The following ZFP62 variants were observed in gnomAD, a reference collection of about 807,000 sequenced individuals.
The protein encoded by ZFP62 is ZFP62 zinc finger protein, also known as zinc finger protein 62 homolog.
ZFP62 carries 44 observed loss-of-function variants against 56.4 expected under a neutral mutation model. The ratio of observed to expected loss-of-function variants is 0.78; its 90% CI spans 0.61 to 1.00. The LOEUF is 1.00. Ranked by LOEUF, ZFP62 falls within the 50% of genes least tolerant of loss-of-function variation. The pLI is 0.00. For synonymous variants in ZFP62, 421 were observed against 388.9 expected (o/e 1.08, Z -0.97); for missense variants, 1,030 against 1,085.7 (o/e 0.95, Z 0.72).
rs1183802740 is a variant in ZFP62 at position 180,849,928 on chromosome 5, G to A, written c.1567C>T (p.His523Tyr). The change falls in exon 2 of 2, where the codon CAT becomes TAT. Residue 523 changes from histidine to tyrosine, a missense_variant. Physicochemically the swap from His to Tyr is moderately conservative, Grantham distance 83. Transcript: ENST00000502412. ...SFNYSSALEQ[H>Y]KRIHTREKPF... ...TTTTCCCTGGTATGAATCCTTTTATGCTGTTCAAGGGCAGAGCTGTAGTTG... is the reference window on the plus strand; with the variant it reads ...TTTTCCCTGGTATGAATCCTTTTATACTGTTCAAGGGCAGAGCTGTAGTTG... The A allele has an allele frequency of 6.4e-7, 1 of 1,551,632 alleles. No individual in the cohort carries two copies. Among genetic ancestry groups the A allele is most frequent in the Non-Finnish European group, 8.7e-7 (1 of 1,146,996 alleles).
At chr5:180,829,259 G>A in the ZFP62 span, among the ~76,000 whole-genome samples, 7 of 147,242 alleles carry the variant, frequency 4.8e-5, no homozygotes, top group African/African-American at 1.6e-4. Flanking sequence ...CCTTTGTCCT[G>A]TTTCCTCAGA....
At chr5:180,833,832 G>A in the ZFP62 span, among the ~76,000 whole-genome samples, 14 of 152,096 alleles carry the variant, frequency 9.2e-5, no homozygotes, top group African/African-American at 3.4e-4. Flanking sequence ...CACCACACCT[G>A]GCTAAGTTTT....
the ZFP62 span, among the ~76,000 whole-genome samples, chr5:180,828,656 A>C: frequency 1.3e-5 from 2 of 152,184 alleles, no homozygotes; most frequent in Non-Finnish European, 2.9e-5. Flanking sequence ...TAACTGTACA[A>C]ATTGATTATA....
At chr5:180,846,450 T>C (rs569902689), downstream of ZFP62, among the ~76,000 whole-genome samples, 19 of 152,206 alleles carry the variant, frequency 1.2e-4, no homozygotes, top group Non-Finnish European at 2.6e-4. Flanking sequence ...TGGTCTCATC[T>C]TCAGCAAAAA....
At chr5:180,839,167 G>T in the ZFP62 span, among the ~76,000 whole-genome samples, 1 of 152,150 alleles carries the variant, frequency 6.6e-6, no homozygotes, top group Non-Finnish European at 1.5e-5. Flanking sequence ...ATACAGTCAG[G>T]TTCCTTTTGT....
the ZFP62 span, among the ~76,000 whole-genome samples, chr5:180,836,174 G>A: frequency 2.7e-4 from 41 of 152,286 alleles, 2 homozygotes; most frequent in South Asian, 7.0e-3. Context: ...TTCACACAAC[G>A]GCCTAACGAT....
At position 180,851,426 on chromosome 5, in the gene ZFP62, T is replaced by G. The variant is rs945516605; in HGVS notation, c.69A>C (p.Ala23=). The G allele has an allele frequency of 8.4e-6, 13 of 1,551,438 alleles. No individual in the cohort carries two copies. The highest frequency in any genetic ancestry group is 1.0e-5 in the Non-Finnish European group (12 of 1,146,960). The change falls in exon 2 of 2, where the codon GCA becomes GCC. Residue 23 remains alanine (A), a synonymous_variant. Transcript: ENST00000502412. ...PTEEYENVGN[A]ASKWPKVEDP... ...CCTCCACTTTTGGCCACTTAGATGCTGCATTTCCAACATTTTCATATTCTT... is the reference window on the plus strand; with the variant it reads ...CCTCCACTTTTGGCCACTTAGATGCGGCATTTCCAACATTTTCATATTCTT...
chr5:180,850,915 C>T lies in ZFP62; in HGVS notation c.580G>A (p.Glu194Lys). 2 of 1,564,076 alleles carry T rather than the reference C, an allele frequency of 1.3e-6. No homozygotes were observed. Among genetic ancestry groups the T allele is most frequent in the South Asian group, 1.2e-5 (1 of 84,988 alleles). Residue 194 changes from glutamate (E) to lysine (K), a missense_variant, in exon 2 of 2, where the codon GAG becomes AAG. Transcript: ENST00000502412. The stretch of plus-strand genomic sequence containing the variant: ...CATTCCTCACACTTGTACGGCTTCT[C>T]CCCAGTGTGGATCCGTTTGTGGACC... Reference protein sequence around the residue: ...LRVHKRIHTGEKPYKCEECGK... With the variant: ...LRVHKRIHTGKKPYKCEECGK...
downstream of ZFP62, among the ~76,000 whole-genome samples, chr5:180,844,553 G>A (rs1260433402): frequency 6.6e-6 from 1 of 152,176 alleles, no homozygotes; most frequent in Non-Finnish European, 1.5e-5. Context: ...AAACACAGGG[G>A]AAACAAGATG....
downstream of ZFP62, among the ~76,000 whole-genome samples, chr5:180,846,235 TGGG>T (rs1363195555): frequency 6.6e-6 from 1 of 152,154 alleles, no homozygotes; most frequent in Non-Finnish European, 1.5e-5. Flanking sequence ...TGCGAGTAGA[TGGG>T]GGCCGCAGTA....
chr5:180,841,270 TATATATATACATAC>T, the ZFP62 span, among the ~76,000 whole-genome samples: 1 of 137,170 alleles, frequency 7.3e-6, no homozygotes, highest in African/African-American at 2.9e-5. Context: ...CACACACACA[TATATATATACATAC>T]ATATATATAC....
At chr5:180,856,421 A>C (rs1773975105) in intron 1 of ZFP62, among the ~76,000 whole-genome samples, 2 of 152,228 alleles carry the variant, frequency 1.3e-5, no homozygotes, top group Non-Finnish European at 2.9e-5. Context: ...CAATACAAAG[A>C]ATGTAACACA....
At position 180,850,106 on chromosome 5, in the gene ZFP62, G is replaced by C; in HGVS notation, c.1389C>G (p.Gly463=). 6.4e-7 allele frequency: 1 copy of C among 1,551,696 alleles called. No individual in the cohort carries two copies. The change falls in exon 2 of 2, where the codon GGC becomes GGG. Residue 463 remains glycine (G), a synonymous_variant. Transcript: ENST00000502412. ...TATGGAGCCTCCTGTGGACTTTGAG[G>C]CCTGCATTGTTTCTGAACGTTTTCC... ...VCGKTFRNNA[G]LKVHRRLHTG...
At position 180,848,274 on chromosome 5, in the gene ZFP62, G is replaced by T. The variant is rs907493048; in HGVS notation, c.*518C>A. 1.8e-5 allele frequency: 18 copies of T among 985,290 alleles called. No homozygotes were observed. In the African/African-American group the frequency reaches 3.0e-4, roughly 16 times the overall value. The allele number at this position is 985,290 out of a possible 1,614,324, so 61.0% of individuals were successfully genotyped here. A position where few individuals can be genotyped will look rare whatever the true frequency, so the allele number is the denominator to read the frequency against. On this transcript the variant is annotated 3_prime_UTR_variant, in exon 2 of 2. Transcript: ENST00000502412. ...CCCCCTCCCAAACCAATTACATCAA[G>T]TTTATACTTAAAGACCACTAATATT...
the ZFP62 span, among the ~76,000 whole-genome samples, chr5:180,833,258 A>G: frequency 6.6e-6 from 1 of 152,056 alleles, no homozygotes; most frequent in African/African-American, 2.4e-5. Flanking sequence ...AGGTGGGCGG[A>G]TCACGAGGTC....
chr5:180,858,257 C>CA (rs1159409435), intron 1 of ZFP62, among the ~76,000 whole-genome samples: 3,588 of 40,224 alleles, frequency 0.089, 269 homozygotes, highest in South Asian at 0.17. Flanking sequence ...AACTCTGTCT[C>CA]AAAAAAAAAA....
downstream of ZFP62, chr5:180,845,677 A>T: frequency 1.0e-6 from 1 of 983,852 alleles, no homozygotes; most frequent in South Asian, 4.7e-5. Context: ...CAGCCCAGGA[A>T]CTCCTTGGGT....
chr5:180,853,832 G>A (rs963896259), intron 1 of ZFP62, among the ~76,000 whole-genome samples: 1 of 152,198 alleles, frequency 6.6e-6, no homozygotes, highest in African/African-American at 2.4e-5. Flanking sequence ...TTAAGAACCT[G>A]AGTAAATGTG....
intron 1 of ZFP62, among the ~76,000 whole-genome samples, chr5:180,852,257 T>C (rs941809475): frequency 7.2e-5 from 11 of 152,064 alleles, no homozygotes; most frequent in African/African-American, 2.7e-4. Context: ...TGAAGCCATA[T>C]GGAAAAAGAT....
Sources: allele counts gnomAD v4.1 joint callset (sites outside exome capture counted in the v4.1 genomes callset), GRCh38; gene constraint gnomAD v4.1.1; transcripts MANE v1.5; gene names NCBI Gene and HGNC (gene_info 2026-07-23, HGNC 2026-07-21).